CCDC85C: variants seen among roughly 807,000 people sequenced by gnomAD.
CCDC85C encodes the protein coiled-coil domain containing 85C, also known as coiled-coil domain-containing protein 85C.
A neutral mutation model predicts 38.3 loss-of-function variants in CCDC85C; 18 were observed. The ratio of observed to expected loss-of-function variants is 0.47; its 90% CI spans 0.33 to 0.70. The LOEUF is 0.70. Ranked by LOEUF, CCDC85C falls within the 30% of genes least tolerant of loss-of-function variation. The probability of loss-of-function intolerance (pLI) is 0.03; values close to 1 mark genes in which losing one functional copy is unlikely to be tolerated. For missense variants in CCDC85C, 566 were observed against 621.2 expected, an observed-to-expected ratio of 0.91 and a Z score of 0.94; for synonymous variants, 264 against 293.8, an observed-to-expected ratio of 0.90 and a Z score of 1.04.
intron 1 of CCDC85C, among the ~76,000 whole-genome samples, chr14:99,591,999 G>C (rs2139988401): frequency 6.6e-6 from 1 of 152,284 alleles, no homozygotes. Context: ...CTCCCAAAGT[G>C]CTGGAATGAC....
rs565568303 is a variant in CCDC85C at position 99,517,050 on chromosome 14, A to G, written c.1071+38T>C. ...CCCACAGTCTCACAGTGCACCCAGC[A>G]TCTGAGGACTTCTGAGGGAGCGGGT... On this transcript the variant is annotated intron_variant, in intron 4 of 5. Transcript: ENST00000380243. 273 of 1,526,340 alleles carry G rather than the reference A, an allele frequency of 1.8e-4. No homozygotes were observed. In the African/African-American group the frequency reaches 3.3e-3, roughly 19 times the overall value. 94.5% of individuals were successfully genotyped at this position (1,526,340 alleles called of 1,614,324 possible).
rs1036819724 is a variant in CCDC85C at position 99,513,550 on chromosome 14, C to G, written c.*1696G>C. ...CTAAGATGGGGGGCGTGAGCCTTTC[C>G]CCTGAGAGCAAACGGGCAGCAAGAA... On this transcript the variant is annotated 3_prime_UTR_variant, in exon 6 of 6. Transcript: ENST00000380243. 20 of 152,288 alleles carry G rather than the reference C, an allele frequency of 1.3e-4. No homozygotes were observed. The highest frequency in any genetic ancestry group is 9.2e-4 in the Admixed American group (14 of 15,278). 9.4% of individuals were successfully genotyped at this position (152,288 alleles called of 1,614,324 possible).
chr14:99,600,400 G>A (rs964757969), intron 1 of CCDC85C, among the ~76,000 whole-genome samples: 6 of 152,182 alleles, frequency 3.9e-5, no homozygotes, highest in African/African-American at 1.2e-4. Context: ...TCTGGGTAAC[G>A]GGGTTATCAG....
chr14:99,531,566 T>G (rs1897493065), intron 2 of CCDC85C, among the ~76,000 whole-genome samples: 1 of 91,646 alleles, frequency 1.1e-5, no homozygotes, highest in Non-Finnish European at 2.0e-5. Context: ...ATTTTGGAGT[T>G]AAATAGAGGC....
chr14:99,528,613 T>G (rs1461078196), intron 2 of CCDC85C, among the ~76,000 whole-genome samples: 1 of 152,118 alleles, frequency 6.6e-6, no homozygotes, highest in Admixed American at 6.5e-5. Flanking sequence ...AGCCCTGGGA[T>G]GGGGTGCCCC....
rs1897017614 is a variant in CCDC85C, at chr14:99,507,984, G to A, written c.*7262C>T. 6.6e-6 allele frequency: 1 copy of A among 152,250 alleles called. No homozygotes were observed. The allele number at this position is 152,250 out of a possible 1,614,324, so 9.4% of individuals were successfully genotyped here. On this transcript the variant is annotated 3_prime_UTR_variant, in exon 6 of 6. Coordinates refer to ENST00000380243, the MANE Select transcript of CCDC85C (RefSeq NM_001144995.2). The stretch of plus-strand genomic sequence containing the variant: ...GCGCTAGAGAAGGCCAGAGTGACCT[G>A]TGCTTGCTCTCCAAAAGGTGGTCGA...
At chr14:99,527,546 G>A (rs1019296625) in intron 2 of CCDC85C, among the ~76,000 whole-genome samples, 1 of 152,162 alleles carries the variant, frequency 6.6e-6, no homozygotes, top group African/African-American at 2.4e-5. Context: ...CTCGAGGCTG[G>A]GCACAGGTGG....
chr14:99,568,250 ATT>A (rs3070390), intron 1 of CCDC85C, among the ~76,000 whole-genome samples: 9 of 126,912 alleles, frequency 7.1e-5, no homozygotes, highest in Admixed American at 1.7e-4. Context: ...CCTGCCCTTT[ATT>A]TTTTTTTTTT....
At chr14:99,528,991 A>C (rs1177039909) in intron 2 of CCDC85C, among the ~76,000 whole-genome samples, 1 of 152,152 alleles carries the variant, frequency 6.6e-6, no homozygotes, top group Admixed American at 6.5e-5. Flanking sequence ...CCAGGAACTT[A>C]AAACAAAAGT....
At chr14:99,587,643 T>C (rs2139982967) in intron 1 of CCDC85C, among the ~76,000 whole-genome samples, 1 of 152,278 alleles carries the variant, frequency 6.6e-6, no homozygotes, top group Middle Eastern at 3.4e-3. Flanking sequence ...GGAAAGGTCA[T>C]GGGCCTGGCG....
intron 1 of CCDC85C, among the ~76,000 whole-genome samples, chr14:99,586,462 G>A (rs906112389): frequency 1.2e-4 from 19 of 152,210 alleles, no homozygotes; most frequent in Non-Finnish European, 2.6e-4. Context: ...ACGTGGTGAG[G>A]GGCACTTGTC....
chr14:99,510,634 C>G lies in CCDC85C; in HGVS notation c.*4612G>C. ...CTCCCGCCTACCCACGCAGTCCCCC[C>G]TCATCCTCCTCCAGGGTTGGGCCTG... On this transcript the variant is annotated 3_prime_UTR_variant, in exon 6 of 6. Transcript: ENST00000380243. 9 of 1,415,110 alleles carry G rather than the reference C, an allele frequency of 6.4e-6. No homozygotes were observed. Among genetic ancestry groups the G allele is most frequent in the Non-Finnish European group, 8.3e-6 (9 of 1,086,976 alleles). The allele number at this position is 1,415,110 out of a possible 1,614,324, so 87.7% of individuals were successfully genotyped here.
rs1401889132 is a variant in CCDC85C, at chr14:99,504,777, A to G, written c.*10469T>C. The G allele has an allele frequency of 6.6e-6, 1 of 152,170 alleles. No homozygotes were observed. Among genetic ancestry groups the G allele is most frequent in the Admixed American group, 6.5e-5 (1 of 15,274 alleles). 9.4% of individuals were successfully genotyped at this position (152,170 alleles called of 1,614,324 possible). On this transcript the variant is annotated 3_prime_UTR_variant, in exon 6 of 6. Coordinates refer to ENST00000380243, the MANE Select transcript of CCDC85C (RefSeq NM_001144995.2). ...CAGGTGAATTTTTTAATTAGCTTCA[A>G]ATTGACCGACATTAAATGTTAGACA...
intron 1 of CCDC85C, among the ~76,000 whole-genome samples, chr14:99,579,516 C>T (rs1030879158): frequency 1.6e-4 from 25 of 152,234 alleles, no homozygotes; most frequent in African/African-American, 5.8e-4. Flanking sequence ...TGCCCAGATC[C>T]CAGGGCATGT....
At chr14:99,559,215 T>TA (rs1555370433) in intron 1 of CCDC85C, among the ~76,000 whole-genome samples, 1 of 150,786 alleles carries the variant, frequency 6.6e-6, no homozygotes, top group African/African-American at 2.4e-5. Context: ...AATACAGGAG[T>TA]CCCCCCGAGA....
rs1161037954 is a variant in CCDC85C, at chr14:99,520,281, GT to G, written c.975+1851del. Among the ~76,000 whole-genome samples the G allele has an allele frequency of 1.3e-5, 2 of 152,132 alleles. No individual in the cohort carries two copies. Among genetic ancestry groups the G allele is most frequent in the East Asian group, 3.9e-4 (2 of 5,182 alleles). On this transcript the variant is annotated intron_variant, in intron 3 of 5. Transcript: ENST00000380243. The surrounding 1 kb of genome is among the most constrained non-coding windows in gnomAD (Gnocchi z 4.1). The stretch of plus-strand genomic sequence containing the variant: ...GATAACCCCCTCACTCTCCCCGGGG[GT>G]CCAAGTGCCAGACATGGGCTCTCCA...
intron 3 of CCDC85C, among the ~76,000 whole-genome samples, chr14:99,519,776 T>C (rs1389711134): frequency 6.6e-6 from 1 of 151,992 alleles, no homozygotes; most frequent in Non-Finnish European, 1.5e-5. Flanking sequence ...AGAACAAGAT[T>C]TGGAGTGAAA....
intron 1 of CCDC85C, among the ~76,000 whole-genome samples, chr14:99,596,417 T>C (rs1174771166): frequency 2.6e-5 from 4 of 152,146 alleles, no homozygotes; most frequent in African/African-American, 9.7e-5. Context: ...TAGTTAAACA[T>C]GCTCCACGCC....
In CCDC85C at chr14:99,599,508, G is replaced by A. The variant is rs116720673; in HGVS notation, c.793+3659C>T. ...AAGGAGAACCTGACTTTCTGGTGTT[G>A]GGGTTTACCTGTCTCAGTGTGCCAC... On this transcript the variant is annotated intron_variant, in intron 1 of 5. Transcript: ENST00000380243. Among the ~76,000 whole-genome samples, 737 of 152,266 alleles carry A rather than the reference G, an allele frequency of 4.8e-3. 3 individuals are homozygous for A. Among genetic ancestry groups the A allele is most frequent in the African/African-American group, 0.017 (706 of 41,546 alleles).
Sources: allele counts gnomAD v4.1 joint callset (sites outside exome capture counted in the v4.1 genomes callset), GRCh38; gene constraint gnomAD v4.1.1; non-coding constraint Gnocchi (gnomAD v3.1); transcripts MANE v1.5; gene names NCBI Gene and HGNC (gene_info 2026-07-23, HGNC 2026-07-21).